The following COL25A1 variants were observed in gnomAD, a reference collection of about 807,000 sequenced individuals.
COL25A1 encodes collagen type XXV alpha 1 chain.
COL25A1 carries 103 observed loss-of-function variants against 128.4 expected under a neutral mutation model. The observed-to-expected ratio is 0.80, with a 90% CI of 0.68 to 0.94. The LOEUF (loss-of-function observed/expected upper bound fraction) is 0.94, where lower values mean the gene tolerates loss of function less well. Among genes scored for constraint, COL25A1 ranks in the 40% least tolerant of loss-of-function variants. The pLI is 0.00. For missense variants in COL25A1, 745 were observed against 840.0 expected (o/e 0.89, Z 1.40); for synonymous variants, 279 against 277.2 (o/e 1.01, Z -0.06).
chr4:108,996,061 T>C (rs577859150), intron 6 of COL25A1, among the ~76,000 whole-genome samples: 25 of 152,100 alleles, frequency 1.6e-4, no homozygotes, highest in Admixed American at 7.9e-4. Context: ...CTGCATCAAC[T>C]AACGGGCAAA....
At chr4:108,836,359 T>C (rs952769840) in intron 31 of COL25A1, among the ~76,000 whole-genome samples, 1 of 152,208 alleles carries the variant, frequency 6.6e-6, no homozygotes, top group African/African-American at 2.4e-5. Flanking sequence ...ATCCAAACTT[T>C]CTTTTGCCTT....
intron 3 of COL25A1, among the ~76,000 whole-genome samples, chr4:109,145,208 C>G (rs1002535083): frequency 1.4e-4 from 22 of 151,930 alleles, no homozygotes; most frequent in African/African-American, 4.8e-4. Context: ...GCTGGGACTA[C>G]AGGCGCCCGC....
At chr4:108,925,118 T>A (rs745799540) in intron 11 of COL25A1, among the ~76,000 whole-genome samples, 3 of 152,172 alleles carry the variant, frequency 2.0e-5, no homozygotes, top group African/African-American at 7.2e-5. Context: ...TAATAGTTTT[T>A]AAGAGCCCAC....
intron 13 of COL25A1, among the ~76,000 whole-genome samples, chr4:108,907,611 A>G (rs1478105042): frequency 6.6e-6 from 1 of 152,250 alleles, no homozygotes; most frequent in African/African-American, 2.4e-5. Context: ...TAACAGAGGA[A>G]GAAACACATT....
intron 3 of COL25A1, among the ~76,000 whole-genome samples, chr4:109,113,491 C>T (rs959665433): frequency 2.0e-5 from 3 of 152,050 alleles, no homozygotes; most frequent in Non-Finnish European, 4.4e-5. Context: ...TGCTCTAATT[C>T]TCATGTGTCC....
At chr4:108,873,872 A>C (rs1423023201) in intron 19 of COL25A1, among the ~76,000 whole-genome samples, 4 of 152,164 alleles carry the variant, frequency 2.6e-5, no homozygotes, top group Non-Finnish European at 5.9e-5. Flanking sequence ...TCAAAGACGG[A>C]AAGAAGAAAA....
At chr4:108,944,398 A>T (rs897715110) in intron 8 of COL25A1, among the ~76,000 whole-genome samples, 7 of 152,198 alleles carry the variant, frequency 4.6e-5, no homozygotes, top group South Asian at 2.1e-4. Flanking sequence ...GTGACTCATT[A>T]GCCCTATATT....
intron 10 of COL25A1, 73 bp downstream of exon 10, chr4:108,940,466 T>C: frequency 7.9e-7 from 1 of 1,265,992 alleles, no homozygotes; most frequent in Non-Finnish European, 1.2e-6. Flanking sequence ...CTCACCACCC[T>C]ACTCCACCCT....
chr4:109,301,736 C>T lies in COL25A1; in HGVS notation c.284G>A (p.Arg95Gln). ...LKTMVQEKVE[R>Q]LLAQKSYEHM... Reference sequence around the variant, plus strand: ...AGCCTCTCACACCTGAGCCAGAAGTCGCTCCACTTTCTCTTGCACCATAGT... The same window carrying T: ...AGCCTCTCACACCTGAGCCAGAAGTTGCTCCACTTTCTCTTGCACCATAGT... The change falls in exon 2 of 38, where the codon CGA (arginine) becomes CAA (glutamine). Residue 95 changes from arginine (R) to glutamine (Q), a missense_variant. Physicochemically the swap from Arg to Gln is conservative, Grantham distance 43 (BLOSUM62 1). Transcript: ENST00000399132. The T allele has an allele frequency of 6.2e-7, 1 of 1,612,780 alleles. No individual in the cohort carries two copies. The highest frequency in any genetic ancestry group is 8.5e-7 in the Non-Finnish European group (1 of 1,178,868).
In COL25A1 at chr4:108,863,400, G is replaced by A. The variant is rs1281866366; in HGVS notation, c.1084-13C>T. The A allele has an allele frequency of 6.2e-7, 1 of 1,612,416 alleles. No individual in the cohort carries two copies. Among genetic ancestry groups the A allele is most frequent in the South Asian group, 1.1e-5 (1 of 90,848 alleles). ...CCCCCCGTTCACCCTGTCACAAATT[G>A]CAAAACAGGTAAATGGTCATTCCCC... is the stretch of plus-strand genomic sequence containing the variant. On this transcript the variant is annotated splice_polypyrimidine_tract_variant and intron_variant, in intron 20 of 37. Coordinates refer to ENST00000399132, the MANE Select transcript of COL25A1 (RefSeq NM_198721.4).
chr4:109,294,601 G>A (rs1290483339), intron 3 of COL25A1, among the ~76,000 whole-genome samples: 1 of 152,078 alleles, frequency 6.6e-6, no homozygotes, highest in African/African-American at 2.4e-5. Context: ...AAACCAGGGA[G>A]GCTGGGGATG....
intron 3 of COL25A1, among the ~76,000 whole-genome samples, chr4:109,220,625 T>C (rs56844951): frequency 0.086 from 13,159 of 152,246 alleles, 1,187 homozygotes; most frequent in African/African-American, 0.23. Context: ...TATAGAAATG[T>C]ATTTTGCTAT....
At chr4:109,285,614 G>T (rs1341901188) in intron 3 of COL25A1, among the ~76,000 whole-genome samples, 1 of 152,218 alleles carries the variant, frequency 6.6e-6, no homozygotes, top group Non-Finnish European at 1.5e-5. Flanking sequence ...GAAGCTGAAT[G>T]CTGACTCGAG....
intron 5 of COL25A1, among the ~76,000 whole-genome samples, chr4:109,016,126 T>A (rs1724456): frequency 0.51 from 77,300 of 151,654 alleles, 22,406 homozygotes; most frequent in African/African-American, 0.77. Context: ...CTCCTGCCCC[T>A]GCAGACTTAG....
chr4:108,943,084 A>G (rs982008330), intron 8 of COL25A1, among the ~76,000 whole-genome samples: 22 of 152,166 alleles, frequency 1.4e-4, no homozygotes, highest in African/African-American at 5.3e-4. Context: ...AGCATGGAAT[A>G]GGGAAACTGA....
intron 3 of COL25A1, among the ~76,000 whole-genome samples, chr4:109,108,749 C>T (rs1004447344): frequency 6.1e-5 from 9 of 147,786 alleles, no homozygotes; most frequent in African/African-American, 2.3e-4. Flanking sequence ...TAAAATGGTA[C>T]TCATTATGGT....
At chr4:108,947,933 G>A (rs996724559) in intron 8 of COL25A1, among the ~76,000 whole-genome samples, 6 of 152,138 alleles carry the variant, frequency 3.9e-5, no homozygotes, top group Admixed American at 1.3e-4. Context: ...GCATTATGCT[G>A]AGAAATGAAA....
At chr4:108,844,165 C>A (rs1382672841) in intron 30 of COL25A1, among the ~76,000 whole-genome samples, 2 of 152,170 alleles carry the variant, frequency 1.3e-5, no homozygotes, top group Non-Finnish European at 2.9e-5. Flanking sequence ...TTGGCATGAG[C>A]CATTGTGTCC....
intron 3 of COL25A1, among the ~76,000 whole-genome samples, chr4:109,247,091 T>C (rs1422105884): frequency 3.3e-5 from 5 of 152,156 alleles, no homozygotes; most frequent in African/African-American, 1.2e-4. Context: ...AGGCTGGGTG[T>C]GGTGGTTCAT....
Sources: gnomAD v4.1 joint callset for allele counts (sites outside exome capture counted in the v4.1 genomes callset) on GRCh38, gnomAD v4.1.1 for gene constraint, MANE v1.5 for transcripts, NCBI Gene and HGNC (gene_info 2026-07-23, HGNC 2026-07-21) for gene names.